The following SCLT1 variants were observed in gnomAD, a reference collection of about 807,000 sequenced individuals.
SCLT1 encodes sodium channel and clathrin linker 1.
SCLT1 carries 78 observed loss-of-function variants against 112.8 expected under a neutral mutation model. The ratio of observed to expected loss-of-function variants is 0.69; its 90% CI spans 0.58 to 0.83. The LOEUF (loss-of-function observed/expected upper bound fraction) is 0.83. Ranked by LOEUF, SCLT1 falls within the 40% of genes least tolerant of loss-of-function variation. The pLI is 0.00. For synonymous variants in SCLT1, 257 were observed against 254.7 expected (o/e 1.01, Z -0.09); for missense variants, 747 against 770.4 (o/e 0.97, Z 0.36).
chr4:128,983,908 T>TTTCAG (rs1316964286), intron 9 of SCLT1, among the ~76,000 whole-genome samples: 1 of 152,152 alleles, frequency 6.6e-6, no homozygotes, highest in Non-Finnish European at 1.5e-5. Context: ...TAAATTCTGG[T>TTTCAG]AATGTCAATA....
At chr4:129,044,197 C>T (rs1328754762) in intron 2 of SCLT1, 146 bp from the exon 3 acceptor site, 6 of 505,684 alleles carry the variant, frequency 1.2e-5, no homozygotes, top group Non-Finnish European at 2.1e-5. Context: ...ATAATAATCT[C>T]AATTTATACT....
rs141288418 is a variant in SCLT1, at chr4:129,039,305, A to G, written c.235-209T>C. The G allele has an allele frequency of 4.4e-4, 187 of 428,114 alleles. No individual in the cohort carries two copies. The East Asian group carries it at 6.2e-3, about 14-fold the overall frequency. 26.5% of individuals were successfully genotyped at this position (428,114 alleles called of 1,614,324 possible). A position where few individuals can be genotyped will look rare whatever the true frequency, so the allele number is the denominator to read the frequency against. ...ATTCATTTTAAGTAGAATATAAATA[A>G]AATAGAAATATTTTATGTAACATGG... On this transcript the variant is annotated intron_variant, in intron 4 of 20. Coordinates refer to ENST00000281142, the MANE Select transcript of SCLT1 (RefSeq NM_144643.4).
In SCLT1 at chr4:129,003,797, A is replaced by G; in HGVS notation, c.370T>C (p.Tyr124His). ...TTTCTGACTGTTTCATCATCTGCAT[A>G]TATGTCAGTTCCTACCTCTGTGCCC... ...PLGTEVGTDIYADDETVRNLQ... is the reference protein window; with the variant it reads ...PLGTEVGTDIHADDETVRNLQ... Residue 124 changes from tyrosine (Y) to histidine (H), a missense_variant, in exon 6 of 21, where the codon TAT becomes CAT. Tyr to His is a moderately conservative substitution (Grantham distance 83, BLOSUM62 2). Coordinates refer to ENST00000281142, the MANE Select transcript of SCLT1 (RefSeq NM_144643.4). 7 of 1,612,346 alleles carry G rather than the reference A, an allele frequency of 4.3e-6. No individual in the cohort carries two copies. Among genetic ancestry groups the G allele is most frequent in the Non-Finnish European group, 5.9e-6 (7 of 1,179,076 alleles).
chr4:128,918,618 C>T (rs1302806391), intron 18 of SCLT1, among the ~76,000 whole-genome samples: 1 of 151,994 alleles, frequency 6.6e-6, no homozygotes, highest in Non-Finnish European at 1.5e-5. Flanking sequence ...CTAAATGCTC[C>T]AAATTAAACG....
intron 5 of SCLT1, among the ~76,000 whole-genome samples, chr4:129,011,408 G>A (rs1171846392): frequency 1.3e-5 from 2 of 152,116 alleles, no homozygotes; most frequent in Admixed American, 6.6e-5. Context: ...TTAGGTTTTG[G>A]TATCAGGATG....
chr4:128,928,342 T>C lies in SCLT1; in HGVS notation c.1829+8313A>G, dbSNP rs188313733. On this transcript the variant is annotated intron_variant, in intron 18 of 20. Transcript: ENST00000281142. ...TTTCAGTCAATCTCTCTCATGAACA[T>C]AGATAAAAATATATTAAATAAAATT... Among the ~76,000 whole-genome samples, 62 of 152,198 alleles carry C rather than the reference T, an allele frequency of 4.1e-4. No homozygotes were observed. The Middle Eastern group carries it at 0.031, about 75-fold the overall frequency.
chr4:129,052,096 C>CT (rs1289082783), intron 2 of SCLT1, among the ~76,000 whole-genome samples: 1 of 152,032 alleles, frequency 6.6e-6, no homozygotes, highest in Non-Finnish European at 1.5e-5. Context: ...GGTAGATAAA[C>CT]TTTTTGATGT....
chr4:128,939,702 C>A (rs115897231), intron 17 of SCLT1, among the ~76,000 whole-genome samples: 492 of 152,194 alleles, frequency 3.2e-3, no homozygotes, highest in African/African-American at 0.011. Context: ...AAGGAGAAAG[C>A]GAGGGCTGAA....
intron 18 of SCLT1, among the ~76,000 whole-genome samples, chr4:128,916,108 C>A (rs1370095489): frequency 2.6e-5 from 4 of 152,180 alleles, no homozygotes; most frequent in African/African-American, 9.7e-5. Context: ...AAGTATTAGA[C>A]ATTTTAAATT....
At chr4:129,039,898 GCGCACA>G (rs144070383) in intron 4 of SCLT1, 56,382 of 240,176 alleles carry the variant, frequency 0.23, 5,399 homozygotes, top group Admixed American at 0.31. Context: ...GTGTGCGCGC[GCGCACA>G]CACACACACA....
intron 1 of SCLT1, among the ~76,000 whole-genome samples, chr4:129,092,725 A>T (rs1035113888): frequency 6.6e-6 from 1 of 152,218 alleles, no homozygotes; most frequent in East Asian, 1.9e-4. Context: ...TTCAATAAAC[A>T]TCTTTTTAAT....
At chr4:129,059,607 G>A (rs1358301309) in intron 2 of SCLT1, among the ~76,000 whole-genome samples, 2 of 152,108 alleles carry the variant, frequency 1.3e-5, no homozygotes, top group African/African-American at 2.4e-5. Flanking sequence ...CCTCATTTCT[G>A]AAGGAGAGTG....
At chr4:129,082,445 AT>A in intron 1 of SCLT1, 72 bp from the exon 2 acceptor site, 2 of 908,788 alleles carry the variant, frequency 2.2e-6, no homozygotes, top group Non-Finnish European at 3.4e-6. Flanking sequence ...AAATACAGTA[AT>A]TATTTGATGT....
chr4:128,955,448 T>G (rs1244157380), intron 13 of SCLT1, among the ~76,000 whole-genome samples: 1 of 152,238 alleles, frequency 6.6e-6, no homozygotes, highest in African/African-American at 2.4e-5. Flanking sequence ...TTGAGAGATA[T>G]CTAAGAAATA....
intron 2 of SCLT1, among the ~76,000 whole-genome samples, chr4:129,060,578 G>A (rs1020258960): frequency 2.0e-5 from 3 of 152,136 alleles, no homozygotes; most frequent in African/African-American, 7.2e-5. Context: ...GGTCCATGAG[G>A]CTTCTTCAGC....
At chr4:128,956,358 C>G (rs1739214268) in intron 13 of SCLT1, among the ~76,000 whole-genome samples, 1 of 151,856 alleles carries the variant, frequency 6.6e-6, no homozygotes, top group African/African-American at 2.4e-5. Context: ...AGGCTATAGT[C>G]CAATGTTACA....
At position 129,093,050 on chromosome 4, in the gene SCLT1, C is replaced by CA; in HGVS notation, c.34+19dup. On this transcript the variant is annotated intron_variant, in intron 1 of 20. Transcript: ENST00000281142. ...ATATTAAACATTGTATATGAAGTCT[C>CA]AAAAAAACATGGAGCTTACTTTGCT... 8 of 1,585,960 alleles carry CA rather than the reference C, an allele frequency of 5.0e-6. No individual in the cohort carries two copies. The highest frequency in any genetic ancestry group is 6.1e-6 in the Non-Finnish European group (7 of 1,154,354).
At chr4:129,003,679 C>T (rs1389302008) in intron 6 of SCLT1, 62 bp downstream of exon 6, 6 of 1,249,938 alleles carry the variant, frequency 4.8e-6, no homozygotes, top group Middle Eastern at 1.9e-4. Flanking sequence ...TAATGATTAA[C>T]ATGAATTTTT....
chr4:128,986,732 A>G (rs1742126794), intron 9 of SCLT1, among the ~76,000 whole-genome samples: 1 of 152,158 alleles, frequency 6.6e-6, no homozygotes, highest in Admixed American at 6.5e-5. Context: ...CACTCCTCTG[A>G]TGGGATGGAC....
Sources: allele counts gnomAD v4.1 joint callset (sites outside exome capture counted in the v4.1 genomes callset), GRCh38; gene constraint gnomAD v4.1.1; transcripts MANE v1.5; gene names NCBI Gene and HGNC (gene_info 2026-07-23, HGNC 2026-07-21).